SLC71A2: variants seen among roughly 807,000 people sequenced by gnomAD.
SLC71A2 encodes solute carrier family 71 member 2, also known as hippocampus abundant transcript-like 1.
At chr9:94,448,671 T>G in the SLC71A2 span, among the ~76,000 whole-genome samples, 1 of 152,230 alleles carries the variant, frequency 6.6e-6, no homozygotes, top group Non-Finnish European at 1.5e-5. Context: ...CTTGCTCTGT[T>G]GCCCAGGCTG....
At chr9:94,441,117 A>G in the SLC71A2 span, 3 of 1,366,408 alleles carry the variant, frequency 2.2e-6, no homozygotes, top group South Asian at 1.3e-5. Flanking sequence ...AATAGACTAT[A>G]TATATTTTTT....
the SLC71A2 span, among the ~76,000 whole-genome samples, chr9:94,456,962 T>TCCCCCCA: frequency 2.0e-5 from 1 of 50,232 alleles, no homozygotes; most frequent in African/African-American, 7.8e-5. Context: ...CCACCCTTCC[T>TCCCCCCA]CCCCCCACCC....
At chr9:94,437,877 TCTTC>T in the SLC71A2 span, among the ~76,000 whole-genome samples, 1 of 147,302 alleles carries the variant, frequency 6.8e-6, no homozygotes, top group Non-Finnish European at 1.5e-5. Context: ...CTTTTTTACT[TCTTC>T]CTTCCCTTTC....
At chr9:94,391,196 C>T in the SLC71A2 span, among the ~76,000 whole-genome samples, 1 of 128,718 alleles carries the variant, frequency 7.8e-6, no homozygotes, top group East Asian at 2.2e-4. Context: ...AATGTCTCTA[C>T]CAAAAAAAAA....
At chr9:94,394,915 G>GTTTTT in the SLC71A2 span, among the ~76,000 whole-genome samples, 3 of 64,184 alleles carry the variant, frequency 4.7e-5, no homozygotes, top group Non-Finnish European at 9.7e-5. Context: ...TACTTTTTTT[G>GTTTTT]TTTTTTTTTT....
chr9:94,457,559 CAGTT>C, the SLC71A2 span, among the ~76,000 whole-genome samples: 3 of 151,922 alleles, frequency 2.0e-5, no homozygotes, highest in Non-Finnish European at 2.9e-5. Context: ...TACAGTAACT[CAGTT>C]GGTTTGCATC....
chr9:94,447,258 C>T, the SLC71A2 span, among the ~76,000 whole-genome samples: 53 of 151,848 alleles, frequency 3.5e-4, no homozygotes, highest in African/African-American at 1.2e-3. Flanking sequence ...TGGCTCACTG[C>T]AACCTCTACC....
At chr9:94,430,091 G>A in the SLC71A2 span, among the ~76,000 whole-genome samples, 1 of 151,666 alleles carries the variant, frequency 6.6e-6, no homozygotes, top group Non-Finnish European at 1.5e-5. Flanking sequence ...TTTTAGTAGA[G>A]ACAGGATTTC....
At chr9:94,422,840 C>G in the SLC71A2 span, among the ~76,000 whole-genome samples, 4 of 151,696 alleles carry the variant, frequency 2.6e-5, no homozygotes, top group Admixed American at 2.0e-4. Context: ...TTTATATATT[C>G]TAGGTACAAT....
the SLC71A2 span, among the ~76,000 whole-genome samples, chr9:94,419,473 T>C: frequency 6.6e-6 from 1 of 152,044 alleles, no homozygotes; most frequent in East Asian, 1.9e-4. Flanking sequence ...TTTTTTGTTT[T>C]GTTTTGTATT....
At chr9:94,433,062 G>C in the SLC71A2 span, 1 of 393,448 alleles carries the variant, frequency 2.5e-6, no homozygotes, top group Admixed American at 2.7e-5. Context: ...GAGCTCCTGG[G>C]GTGCTACTCT....
At chr9:94,377,299 A>T in the SLC71A2 span, among the ~76,000 whole-genome samples, 1 of 151,918 alleles carries the variant, frequency 6.6e-6, no homozygotes, top group Non-Finnish European at 1.5e-5. Flanking sequence ...TTTCAGTGAC[A>T]CTCATGATTT....
the SLC71A2 span, among the ~76,000 whole-genome samples, chr9:94,435,132 C>T: frequency 9.2e-5 from 14 of 152,282 alleles, no homozygotes; most frequent in East Asian, 1.9e-4. Context: ...GCATATAAAG[C>T]GTGCCCTCTT....
chr9:94,408,525 T>A, the SLC71A2 span, among the ~76,000 whole-genome samples: 1 of 152,192 alleles, frequency 6.6e-6, no homozygotes, highest in South Asian at 2.1e-4. Context: ...ACTGATTCAA[T>A]CTCCTTACTA....
At chr9:94,450,529 G>A in the SLC71A2 span, among the ~76,000 whole-genome samples, 4 of 106,988 alleles carry the variant, frequency 3.7e-5, no homozygotes, top group African/African-American at 4.2e-5. Flanking sequence ...TCACTTTGTC[G>A]CCCAGGCTGG....
At chr9:94,377,977 G>T in the SLC71A2 span, among the ~76,000 whole-genome samples, 2 of 152,078 alleles carry the variant, frequency 1.3e-5, no homozygotes, top group South Asian at 4.2e-4. Context: ...GGTGGCAGGC[G>T]CCTGTAGTCC....
the SLC71A2 span, among the ~76,000 whole-genome samples, chr9:94,381,968 T>A: frequency 6.6e-6 from 1 of 152,160 alleles, no homozygotes; most frequent in Non-Finnish European, 1.5e-5. Context: ...TGATGTCTCA[T>A]TGTTCTTTTA....
the SLC71A2 span, among the ~76,000 whole-genome samples, chr9:94,419,736 G>A: frequency 1.3e-5 from 2 of 152,056 alleles, no homozygotes; most frequent in African/African-American, 2.4e-5. Flanking sequence ...CACTACACTT[G>A]GCCATGGATT....
At chr9:94,454,457 AC>A in the SLC71A2 span, among the ~76,000 whole-genome samples, 52 of 151,736 alleles carry the variant, frequency 3.4e-4, no homozygotes, top group South Asian at 0.011. Flanking sequence ...AACCTCTACC[AC>A]CCGGATTCAA....
Sources: allele counts gnomAD v4.1 joint callset (sites outside exome capture counted in the v4.1 genomes callset), GRCh38; gene constraint gnomAD v4.1.1; transcripts MANE v1.5; gene names NCBI Gene and HGNC (gene_info 2026-07-23, HGNC 2026-07-21).